Variants in RBL1 observed in about 807,000 individuals in gnomAD.
The protein encoded by RBL1 is RB transcriptional corepressor like 1, also known as retinoblastoma-like protein 1.
Under a neutral mutation model 123.0 loss-of-function variants are expected in RBL1, and 82 were observed. That is an observed-to-expected ratio of 0.67 (90% confidence interval 0.56 to 0.80). The LOEUF is 0.80. RBL1 is among the 30% of genes least tolerant of loss of function. The probability of loss-of-function intolerance (pLI) is 0.00; values close to 1 mark genes in which losing one functional copy is unlikely to be tolerated. For synonymous variants in RBL1, 405 were observed against 441.3 expected, an observed-to-expected ratio of 0.92 and a Z score of 1.03; for missense variants, 1,171 against 1,299.6, an observed-to-expected ratio of 0.90 and a Z score of 1.52.
chr20:37,085,518 G>C (rs958911530), intron 2 of RBL1, among the ~76,000 whole-genome samples: 1 of 151,984 alleles, frequency 6.6e-6, no homozygotes, highest in African/African-American at 2.4e-5. Flanking sequence ...TGTGTGCGTG[G>C]TAAAACATAC....
chr20:37,037,863 T>C (rs561153966), intron 14 of RBL1, among the ~76,000 whole-genome samples: 15 of 151,998 alleles, frequency 9.9e-5, no homozygotes, highest in South Asian at 2.1e-4. Flanking sequence ...ATTTTTTGTA[T>C]TTTACTAGGG....
intron 21 of RBL1, among the ~76,000 whole-genome samples, chr20:37,000,547 G>A (rs2063955377): frequency 7.1e-6 from 1 of 141,166 alleles, no homozygotes; most frequent in East Asian, 2.3e-4. Flanking sequence ...CTACTGGGAA[G>A]TGAGGAGCCC....
At chr20:37,053,305 G>A (rs2064949121) in intron 11 of RBL1, among the ~76,000 whole-genome samples, 1 of 152,260 alleles carries the variant, frequency 6.6e-6, no homozygotes, top group South Asian at 2.1e-4. Flanking sequence ...CCCAGCTGGG[G>A]CCACTGTATG....
intron 2 of RBL1, among the ~76,000 whole-genome samples, chr20:37,070,565 A>C (rs941939044): frequency 3.9e-5 from 6 of 152,192 alleles, no homozygotes; most frequent in African/African-American, 1.4e-4. Flanking sequence ...TCCATTTTCC[A>C]AATGGGAATT....
chr20:37,041,405 TCCG>T (rs2064724361), intron 13 of RBL1, among the ~76,000 whole-genome samples: 1 of 152,198 alleles, frequency 6.6e-6, no homozygotes, highest in Non-Finnish European at 1.5e-5. Flanking sequence ...CACTGCAACC[TCCG>T]CCTCCTGGGT....
At chr20:37,020,623 C>G in intron 18 of RBL1, 36 bp downstream of exon 18, 1 of 1,376,304 alleles carries the variant, frequency 7.3e-7, no homozygotes, top group Non-Finnish European at 1.0e-6. Flanking sequence ...AAGAGTAAAT[C>G]TATTTTTGGA....
At chr20:37,091,413 A>G (rs1436583395) in intron 1 of RBL1, among the ~76,000 whole-genome samples, 1 of 151,970 alleles carries the variant, frequency 6.6e-6, no homozygotes, top group Non-Finnish European at 1.5e-5. Context: ...TCATGCTCGT[A>G]ACCCCAGCAC....
Position 37,003,856 on chromosome 20 carries a change from G to A in RBL1, c.2882C>T (p.Pro961Leu). ...AATATGTGGAAAAGGAGAGAGTGGT[G>A]GAGCATCCATCTAAAATAACCCAAA... Reference protein sequence around the residue: ...LANQDHMMDAPPLSPFPHIKQ... With the variant: ...LANQDHMMDALPLSPFPHIKQ... The change falls in exon 21 of 22, where the codon CCA becomes CTA. Residue 961 changes from proline (P) to leucine (L), a missense_variant. By Grantham distance (98) the Pro-to-Leu change is moderately conservative. Coordinates refer to ENST00000373664, the MANE Select transcript of RBL1 (RefSeq NM_002895.5). The A allele has an allele frequency of 6.2e-7, 1 of 1,604,842 alleles. No individual in the cohort carries two copies. The highest frequency in any genetic ancestry group is 1.1e-5 in the South Asian group (1 of 88,872).
At position 37,066,981 on chromosome 20, in the gene RBL1, A is replaced by G. The variant is rs1376638226; in HGVS notation, c.685+12T>C. The G allele has an allele frequency of 6.3e-7, 1 of 1,588,552 alleles. No homozygotes were observed. Among genetic ancestry groups the G allele is most frequent in the African/African-American group, 1.4e-5 (1 of 73,326 alleles). On this transcript the variant is annotated intron_variant, in intron 5 of 21. Coordinates refer to ENST00000373664, the MANE Select transcript of RBL1 (RefSeq NM_002895.5). ...TGATAATCAGTTTTCAAAAATAAAT[A>G]AAAGGTCTTACCTTTAAATGATGGA...
At chr20:37,077,233 A>G (rs993698216) in intron 2 of RBL1, among the ~76,000 whole-genome samples, 1 of 152,114 alleles carries the variant, frequency 6.6e-6, no homozygotes, top group African/African-American at 2.4e-5. Flanking sequence ...CACCTTGCCC[A>G]GCCATCTATA....
Position 37,039,463 on chromosome 20 carries a change from C to T in RBL1, c.1903+690G>A, listed in dbSNP as rs567921388. The stretch of plus-strand genomic sequence containing the variant: ...AGGTCACTGAATCATGGGGGTGGGT[C>T]TTTCCCATGCTGTTCTCCTGATAGT... On this transcript the variant is annotated intron_variant, in intron 14 of 21. Coordinates refer to ENST00000373664, the MANE Select transcript of RBL1 (RefSeq NM_002895.5). Among the ~76,000 whole-genome samples the T allele has an allele frequency of 3.3e-5, 5 of 152,242 alleles. No individual in the cohort carries two copies. In the South Asian group the frequency reaches 8.3e-4, roughly 25 times the overall value.
At chr20:37,000,780 G>GCC (rs2063961388) in intron 21 of RBL1, among the ~76,000 whole-genome samples, 1 of 130,810 alleles carries the variant, frequency 7.6e-6, no homozygotes, top group Admixed American at 7.5e-5. Flanking sequence ...GGGGGGGTCA[G>GCC]CCCCCCGCCC....
In RBL1 at chr20:37,066,803, T is replaced by A; in HGVS notation, c.767A>T (p.His256Leu). ...PCIIAVLCELHDGLLVEAKGI... is the reference protein window; with the variant it reads ...PCIIAVLCELLDGLLVEAKGI... The stretch of plus-strand genomic sequence containing the variant: ...TTTTGCTTCTACGAGAAGTCCATCA[T>A]GCAGTTCACACAGTACAGCAATGAT... Residue 256 changes from histidine to leucine, a missense_variant, in exon 6 of 22, where the codon CAT becomes CTT. His to Leu is a moderately conservative substitution (Grantham distance 99, BLOSUM62 -3). Coordinates refer to ENST00000373664, the MANE Select transcript of RBL1 (RefSeq NM_002895.5). The A allele has an allele frequency of 6.2e-7, 1 of 1,613,612 alleles. No individual in the cohort carries two copies. Among genetic ancestry groups the A allele is most frequent in the Non-Finnish European group, 8.5e-7 (1 of 1,179,596 alleles).
At chr20:37,046,720 T>C (rs1176276161) in intron 12 of RBL1, among the ~76,000 whole-genome samples, 2 of 151,998 alleles carry the variant, frequency 1.3e-5, no homozygotes, top group East Asian at 3.9e-4. Flanking sequence ...GCAATTCTCC[T>C]GCCTCAGCCT....
intron 13 of RBL1, among the ~76,000 whole-genome samples, chr20:37,041,353 G>A (rs1046523790): frequency 7.3e-5 from 11 of 151,352 alleles, no homozygotes; most frequent in Admixed American, 1.3e-4. Flanking sequence ...ACACAGTCTC[G>A]CTCTGTTGTC....
intron 9 of RBL1, 83 bp from the exon 10 acceptor site, chr20:37,056,341 CCTT>C (rs1407623658): frequency 4.1e-5 from 55 of 1,338,348 alleles, no homozygotes; most frequent in Non-Finnish European, 4.9e-5. Context: ...TACTAACATG[CCTT>C]CTTCTTCTTT....
intron 2 of RBL1, among the ~76,000 whole-genome samples, chr20:37,072,483 C>T (rs375689545): frequency 1.4e-4 from 21 of 151,864 alleles, no homozygotes; most frequent in Admixed American, 3.3e-4. Flanking sequence ...GCCTGGGCAA[C>T]GAGAGCGAAA....
At chr20:37,072,193 G>A (rs908743602) in intron 2 of RBL1, among the ~76,000 whole-genome samples, 6 of 152,172 alleles carry the variant, frequency 3.9e-5, no homozygotes, top group Non-Finnish European at 8.8e-5. Flanking sequence ...TTTTGGCCGG[G>A]TGCAGTGGCT....
chr20:37,068,260 A>G lies in RBL1; in HGVS notation c.291-74T>C, dbSNP rs2065215954. On this transcript the variant is annotated intron_variant, in intron 2 of 21. Transcript: ENST00000373664. Reference sequence around the variant, plus strand: ...ATAATGGATTGAAAGGAAATATTCTATTCATGACTAAGACTCTTTATTAAA... The same window carrying G: ...ATAATGGATTGAAAGGAAATATTCTGTTCATGACTAAGACTCTTTATTAAA... 3.4e-6 allele frequency: 5 copies of G among 1,476,824 alleles called. No homozygotes were observed. The Admixed American group carries it at 1.0e-4, about 31-fold the overall frequency. The allele number at this position is 1,476,824 out of a possible 1,614,324, so 91.5% of individuals were successfully genotyped here. A position where few individuals can be genotyped will look rare whatever the true frequency, so the allele number is the denominator to read the frequency against.
Sources: gnomAD v4.1 joint callset for allele counts (sites outside exome capture counted in the v4.1 genomes callset) on GRCh38, gnomAD v4.1.1 for gene constraint, MANE v1.5 for transcripts, NCBI Gene and HGNC (gene_info 2026-07-23, HGNC 2026-07-21) for gene names.